SIK3: variants seen among roughly 807,000 people sequenced by gnomAD.
SIK3 encodes the protein SIK family kinase 3.
A neutral mutation model predicts 144.2 loss-of-function variants in SIK3; 28 were observed. That is an observed-to-expected ratio of 0.19 (90% confidence interval 0.14 to 0.27). The LOEUF is 0.27. SIK3 is among the 10% of genes least tolerant of loss of function. SIK3 has a pLI of 1.00. For missense variants in SIK3, 1,319 were observed against 1,776.0 expected, an observed-to-expected ratio of 0.74 and a Z score of 4.62; for synonymous variants, 686 against 676.3, an observed-to-expected ratio of 1.01 and a Z score of -0.22.
chr11:117,026,842 C>T (rs867184070), intron 1 of SIK3, among the ~76,000 whole-genome samples: 55 of 152,096 alleles, frequency 3.6e-4, no homozygotes, highest in Middle Eastern at 3.4e-3. Flanking sequence ...TTGTTTCACC[C>T]GTCTAAAGGG....
At chr11:116,859,634 A>G in intron 19 of SIK3, 30 bp from the exon 20 acceptor site, 1 of 1,594,706 alleles carries the variant, frequency 6.3e-7, no homozygotes, top group Non-Finnish European at 8.6e-7. Context: ...AGAGTGACCA[A>G]GTGCCCAGGC....
At chr11:116,868,131 C>T (rs1455269778) in intron 14 of SIK3, 42 bp from the exon 15 acceptor site, 8 of 1,549,878 alleles carry the variant, frequency 5.2e-6, no homozygotes, top group Admixed American at 2.0e-5. Context: ...AAAAGACAGA[C>T]AGGAATATTC....
At chr11:116,894,685 T>G (rs561337196) in intron 6 of SIK3, among the ~76,000 whole-genome samples, 5 of 152,344 alleles carry the variant, frequency 3.3e-5, no homozygotes, top group Non-Finnish European at 7.3e-5. Context: ...AATAATCTTG[T>G]GTATCTCATA....
chr11:116,995,781 T>C (rs1017000913), intron 1 of SIK3, among the ~76,000 whole-genome samples: 2 of 152,130 alleles, frequency 1.3e-5, no homozygotes, highest in African/African-American at 2.4e-5. Flanking sequence ...CCCTGAAAAA[T>C]CATCCACAGT....
intron 1 of SIK3, among the ~76,000 whole-genome samples, chr11:117,036,469 A>G (rs1191416270): frequency 6.6e-6 from 1 of 152,200 alleles, no homozygotes; most frequent in African/African-American, 2.4e-5. Context: ...ATCCTGGGAA[A>G]TATTTCAGGA....
intron 1 of SIK3, among the ~76,000 whole-genome samples, chr11:116,964,691 G>A (rs1440009173): frequency 6.6e-6 from 1 of 152,076 alleles, no homozygotes; most frequent in East Asian, 1.9e-4. Context: ...GACCAGCCTG[G>A]CCAACATGGT....
intron 21 of SIK3, among the ~76,000 whole-genome samples, chr11:116,853,508 C>T (rs918220127): frequency 2.0e-5 from 3 of 152,244 alleles, no homozygotes; most frequent in African/African-American, 7.2e-5. Flanking sequence ...GCACGCCACC[C>T]ACCTTCCCGG....
At chr11:117,066,613 G>A (rs959298007) in intron 1 of SIK3, among the ~76,000 whole-genome samples, 1 of 146,710 alleles carries the variant, frequency 6.8e-6, no homozygotes, top group African/African-American at 2.6e-5. Context: ...ACAGCTCACT[G>A]CAGCCTTAAA....
intron 6 of SIK3, among the ~76,000 whole-genome samples, chr11:116,882,591 TA>T (rs1944605048): frequency 6.6e-6 from 1 of 152,108 alleles, no homozygotes; most frequent in Non-Finnish European, 1.5e-5. Context: ...TCTGACCACA[TA>T]AAGCTGCTTT....
At chr11:116,885,412 A>C (rs371309267) in intron 6 of SIK3, among the ~76,000 whole-genome samples, 2 of 152,338 alleles carry the variant, frequency 1.3e-5, no homozygotes, top group East Asian at 1.9e-4. Flanking sequence ...CTAGGTGGGC[A>C]TGATGCTGCC....
At chr11:117,065,022 G>A (rs1338915303) in intron 1 of SIK3, among the ~76,000 whole-genome samples, 1 of 151,940 alleles carries the variant, frequency 6.6e-6, no homozygotes, top group Non-Finnish European at 1.5e-5. Flanking sequence ...GGTGGCACAC[G>A]CCTGTAGTCC....
intron 1 of SIK3, among the ~76,000 whole-genome samples, chr11:117,013,380 T>C (rs1167951892): frequency 6.6e-6 from 1 of 152,010 alleles, no homozygotes; most frequent in Non-Finnish European, 1.5e-5. Flanking sequence ...TAATCCTAGA[T>C]AGGCTGGGAC....
intron 1 of SIK3, among the ~76,000 whole-genome samples, chr11:116,994,977 CAG>C (rs1311651335): frequency 2.6e-5 from 4 of 151,584 alleles, no homozygotes; most frequent in Non-Finnish European, 5.9e-5. Context: ...TTCTTTAAGA[CAG>C]AGTCTCAGGC....
chr11:116,984,050 CAAA>C (rs35403684), intron 1 of SIK3, among the ~76,000 whole-genome samples: 12 of 80,874 alleles, frequency 1.5e-4, no homozygotes, highest in South Asian at 4.2e-4. Context: ...GACCCTGACT[CAAA>C]AAAAAAAAAA....
Position 116,887,446 on chromosome 11 carries a change from G to A in SIK3, c.865+8807C>T, listed in dbSNP as rs538242724. Reference sequence around the variant, plus strand: ...AGCCTGGCCAACATGACGAGACCCCGTCTCCACTAAAAATACAAAAATTAG... The same window carrying A: ...AGCCTGGCCAACATGACGAGACCCCATCTCCACTAAAAATACAAAAATTAG... On this transcript the variant is annotated intron_variant, in intron 6 of 24. Coordinates refer to ENST00000445177, the MANE Select transcript of SIK3 (RefSeq NM_001366686.3). 7.9e-5 allele frequency among the ~76,000 whole-genome samples: 12 copies of A among 151,850 alleles called. No individual in the cohort carries two copies. In the South Asian group the frequency reaches 1.7e-3, roughly 21 times the overall value.
chr11:117,026,142 G>C (rs1952000246), intron 1 of SIK3, among the ~76,000 whole-genome samples: 1 of 152,148 alleles, frequency 6.6e-6, no homozygotes, highest in Non-Finnish European at 1.5e-5. Context: ...TGATAACGCT[G>C]TATTTATACT....
chr11:117,036,169 T>C lies in SIK3; in HGVS notation c.273+61974A>G, dbSNP rs536550956. Reference sequence around the variant, plus strand: ...CTCCTGGCTTCAAGCAATCCTTTCATCTCAGCCTCCCAAAATGTTGGGATT... The same window carrying C: ...CTCCTGGCTTCAAGCAATCCTTTCACCTCAGCCTCCCAAAATGTTGGGATT... On this transcript the variant is annotated intron_variant, in intron 1 of 24. Coordinates refer to ENST00000445177, the MANE Select transcript of SIK3 (RefSeq NM_001366686.3). 24 of 463,862 alleles carry C rather than the reference T, an allele frequency of 5.2e-5. 1 individual carries two copies. The highest frequency in any genetic ancestry group is 2.3e-4 in the Admixed American group (6 of 25,690). 28.7% of individuals were successfully genotyped at this position (463,862 alleles called of 1,614,324 possible).
At chr11:116,896,743 A>G (rs1423204822) in intron 5 of SIK3, among the ~76,000 whole-genome samples, 2 of 152,338 alleles carry the variant, frequency 1.3e-5, no homozygotes, top group East Asian at 3.9e-4. Context: ...TTGCACGAGT[A>G]GGCCGGGTGC....
rs1016563178 is a variant in SIK3, at chr11:116,978,914, C to A, written c.274-21850G>T. On this transcript the variant is annotated intron_variant, in intron 1 of 24. Transcript: ENST00000445177. ...AAATTCCTTTTATGCTCAGAGGTCA[C>A]CCTTTTATAAATATACCAACTGTAT... 2.6e-5 allele frequency among the ~76,000 whole-genome samples: 4 copies of A among 152,150 alleles called. No homozygotes were observed. The East Asian group carries it at 5.8e-4, about 22-fold the overall frequency.
Sources: allele counts gnomAD v4.1 joint callset (sites outside exome capture counted in the v4.1 genomes callset), GRCh38; gene constraint gnomAD v4.1.1; transcripts MANE v1.5; gene names NCBI Gene and HGNC (gene_info 2026-07-23, HGNC 2026-07-21).